Variants in FIRRM observed in about 807,000 individuals in gnomAD.
The protein encoded by FIRRM is FIGNL1-interacting regulator of recombination and mitosis.
chr1:169,798,691 T>C, the FIRRM span, among the ~76,000 whole-genome samples: 1 of 152,376 alleles, frequency 6.6e-6, no homozygotes, highest in East Asian at 1.9e-4. Flanking sequence ...AAGGCAAGTT[T>C]GTCCCTGGGC....
the FIRRM span, chr1:169,795,506 C>G: frequency 1.7e-6 from 2 of 1,190,444 alleles, no homozygotes; most frequent in Non-Finnish European, 2.1e-6. Flanking sequence ...TTTTTCTGTA[C>G]TCGTTGCTTG....
chr1:169,853,698 A>AACTC, the FIRRM span: 1 of 1,612,342 alleles, frequency 6.2e-7, no homozygotes, highest in Non-Finnish European at 8.5e-7. Context: ...CCTAAAGTTT[A>AACTC]ACTCACATCT....
the FIRRM span, among the ~76,000 whole-genome samples, chr1:169,810,037 C>CTTCAAAAAT: frequency 6.6e-6 from 1 of 152,136 alleles, no homozygotes; most frequent in Non-Finnish European, 1.5e-5. Flanking sequence ...GTGCCGTCTG[C>CTTCAAAAAT]TTCAAAAATG....
At chr1:169,840,908 ACTT>A in the FIRRM span, among the ~76,000 whole-genome samples, 2 of 152,006 alleles carry the variant, frequency 1.3e-5, no homozygotes, top group African/African-American at 4.8e-5. Flanking sequence ...AGATAGTTTG[ACTT>A]CTTCTTTTCG....
At chr1:169,850,266 G>T in the FIRRM span, 2 of 1,603,386 alleles carry the variant, frequency 1.2e-6, no homozygotes, top group Middle Eastern at 1.7e-4. Flanking sequence ...TTTTAATAGG[G>T]AACAAATCAT....
chr1:169,850,265 G>T, the FIRRM span: 1 of 1,601,052 alleles, frequency 6.2e-7, no homozygotes, highest in South Asian at 1.1e-5. Context: ...TTTTTAATAG[G>T]GAACAAATCA....
At chr1:169,796,692 A>AC in the FIRRM span, among the ~76,000 whole-genome samples, 1 of 152,220 alleles carries the variant, frequency 6.6e-6, no homozygotes, top group African/African-American at 2.4e-5. Flanking sequence ...GAGGGGAAAA[A>AC]CATAGATCTC....
the FIRRM span, among the ~76,000 whole-genome samples, chr1:169,810,179 T>C: frequency 6.6e-6 from 1 of 152,110 alleles, no homozygotes; most frequent in Non-Finnish European, 1.5e-5. Flanking sequence ...AGGCCCCACC[T>C]CTTAATAGTA....
the FIRRM span, among the ~76,000 whole-genome samples, chr1:169,844,327 G>T: frequency 6.6e-6 from 1 of 152,208 alleles, no homozygotes; most frequent in African/African-American, 2.4e-5. Flanking sequence ...AGATGACAGA[G>T]AAAGTGGAAA....
At chr1:169,818,000 C>T in the FIRRM span, among the ~76,000 whole-genome samples, 1 of 151,688 alleles carries the variant, frequency 6.6e-6, no homozygotes, top group Non-Finnish European at 1.5e-5. Flanking sequence ...ACAACTTGCT[C>T]AAACCTTCAG....
the FIRRM span, chr1:169,847,925 A>AT: frequency 1.6e-6 from 1 of 607,492 alleles, no homozygotes; most frequent in Non-Finnish European, 2.9e-6. Context: ...GAAAAAAAAA[A>AT]CTATGTTCCA....
At chr1:169,818,394 T>C in the FIRRM span, among the ~76,000 whole-genome samples, 1 of 152,218 alleles carries the variant, frequency 6.6e-6, no homozygotes, top group African/African-American at 2.4e-5. Context: ...AGAAGCAGTT[T>C]ATGACCTTAA....
chr1:169,814,166 CTTATGCAGACTTTT>C, the FIRRM span, among the ~76,000 whole-genome samples: 6 of 152,118 alleles, frequency 3.9e-5, no homozygotes, highest in Non-Finnish European at 8.8e-5. Context: ...CACAGGTCAA[CTTATGCAGACTTTT>C]TTAAATTGTC....
the FIRRM span, among the ~76,000 whole-genome samples, chr1:169,804,752 C>T: frequency 6.6e-6 from 1 of 152,136 alleles, no homozygotes; most frequent in Admixed American, 6.5e-5. Flanking sequence ...GGCACAATCT[C>T]GGCTCACTGC....
chr1:169,802,676 T>C, the FIRRM span: 1 of 1,613,486 alleles, frequency 6.2e-7, no homozygotes, highest in South Asian at 1.1e-5. Flanking sequence ...GCCAGAGGAC[T>C]GTCAAGCCAA....
the FIRRM span, chr1:169,795,148 G>A: frequency 2.0e-6 from 3 of 1,536,004 alleles, no homozygotes; most frequent in Non-Finnish European, 8.7e-7. Flanking sequence ...TCCCCTGGAA[G>A]AATTAAGTAG....
chr1:169,801,104 C>G, the FIRRM span: 1 of 538,634 alleles, frequency 1.9e-6, no homozygotes, highest in Non-Finnish European at 3.3e-6. Context: ...GTAAGTAGAT[C>G]TCATGTGAGA....
the FIRRM span, among the ~76,000 whole-genome samples, chr1:169,807,168 T>C: frequency 6.6e-6 from 1 of 152,222 alleles, no homozygotes; most frequent in Non-Finnish European, 1.5e-5. Context: ...TCTTAGTTCC[T>C]CAAACATACC....
chr1:169,807,678 G>A, the FIRRM span: 2 of 926,544 alleles, frequency 2.2e-6, no homozygotes, highest in Non-Finnish European at 3.1e-6. Context: ...TGTGATATAT[G>A]ATGCTTTTTG....
Sources: allele counts gnomAD v4.1 joint callset (sites outside exome capture counted in the v4.1 genomes callset), GRCh38; gene constraint gnomAD v4.1.1; transcripts MANE v1.5; gene names NCBI Gene and HGNC (gene_info 2026-07-23, HGNC 2026-07-21).